NRXN1: variants seen among roughly 807,000 people sequenced by gnomAD.
NRXN1 encodes the protein neurexin-1.
Under a neutral mutation model 150.9 loss-of-function variants are expected in NRXN1, and 39 were observed. That is an observed-to-expected ratio of 0.26 (90% confidence interval 0.20 to 0.34). The LOEUF is 0.34. Ranked by LOEUF, NRXN1 falls within the 10% of genes least tolerant of loss-of-function variation. The pLI is 1.00. For synonymous variants in NRXN1, 924 were observed against 757.0 expected (o/e 1.22, Z -3.62); for missense variants, 1,815 against 1,949.9 (o/e 0.93, Z 1.30).
At chr2:50,252,731 G>A (rs1266876870) in intron 17 of NRXN1, among the ~76,000 whole-genome samples, 2 of 152,046 alleles carry the variant, frequency 1.3e-5, no homozygotes, top group Non-Finnish European at 2.9e-5. Context: ...GGTGGTTGTA[G>A]ATGTGCAGTC....
chr2:50,637,596 T>C (rs1393305739), intron 5 of NRXN1: 2 of 152,244 alleles, frequency 1.3e-5, no homozygotes, highest in African/African-American at 4.8e-5. Context: ...ACTCTTGAAC[T>C]CACAGTTCCT....
chr2:51,026,383 G>A lies in NRXN1; in HGVS notation c.772+1119C>T, dbSNP rs200923167. The A allele has an allele frequency of 6.3e-6, 10 of 1,590,894 alleles. No individual in the cohort carries two copies. Among genetic ancestry groups the A allele is most frequent in the Non-Finnish European group, 7.7e-6 (9 of 1,165,906 alleles). ...ACCACTCACTCACTTTCTGTTAGAG[G>A]CTTTGCTGTATTTATACAACAGTAT... is the stretch of plus-strand genomic sequence containing the variant. On this transcript the variant is annotated intron_variant, in intron 2 of 22. Coordinates refer to ENST00000401669, the MANE Select transcript of NRXN1 (RefSeq NM_001330078.2).
rs1373566940 is a variant in NRXN1 at position 50,346,920 on chromosome 2, G to T, written c.3365-109950C>A. 1.5e-6 allele frequency: 2 copies of T among 1,295,412 alleles called. No homozygotes were observed. Among genetic ancestry groups the T allele is most frequent in the South Asian group, 2.1e-5 (1 of 48,460 alleles). 80.2% of individuals were successfully genotyped at this position (1,295,412 alleles called of 1,614,324 possible). A position where few individuals can be genotyped will look rare whatever the true frequency, so the allele number is the denominator to read the frequency against. ...CGCCGCCCCCGGGCGAGCCCAGCTC[G>T]GCGCCGCACCGGAGCATCCTCTGGT... is the stretch of plus-strand genomic sequence containing the variant. On this transcript the variant is annotated intron_variant, in intron 17 of 22. Transcript: ENST00000401669. This position sits in a 1 kb window ranked among gnomAD's most constrained non-coding sequence, Gnocchi z 5.0.
intron 8 of NRXN1, among the ~76,000 whole-genome samples, chr2:50,568,828 A>C (rs2105443747): frequency 6.6e-6 from 1 of 152,296 alleles, no homozygotes; most frequent in Non-Finnish European, 1.5e-5. Flanking sequence ...TATATCAAGA[A>C]TATATCTGCA....
intron 17 of NRXN1, among the ~76,000 whole-genome samples, chr2:50,334,192 A>ATTTTATATATATATATATATAT (rs1553457970): frequency 4.0e-4 from 47 of 118,974 alleles, no homozygotes; most frequent in African/African-American, 1.2e-3. Flanking sequence ...ACCAGGACCA[A>ATTTTATATATATATATATATAT]ATATATATAT....
chr2:50,587,567 G>C (rs1021897026), intron 8 of NRXN1, among the ~76,000 whole-genome samples: 3 of 152,106 alleles, frequency 2.0e-5, no homozygotes. Flanking sequence ...TGATATGCTA[G>C]GTGAAGTTAA....
In NRXN1 at chr2:50,908,185, A is replaced by G. The variant is rs181366733; in HGVS notation, c.832+13684T>C. Among the ~76,000 whole-genome samples, 31 of 152,180 alleles carry G rather than the reference A, an allele frequency of 2.0e-4. No homozygotes were observed. In the East Asian group the frequency reaches 6.0e-3, roughly 30 times the overall value. ...CTTTTAATGATTGAAGGTAGAATTG[A>G]ATAGTAATGTTTCATGTTTTAAAGT... On this transcript the variant is annotated intron_variant, in intron 5 of 22. Coordinates refer to ENST00000401669, the MANE Select transcript of NRXN1 (RefSeq NM_001330078.2).
intron 2 of NRXN1, among the ~76,000 whole-genome samples, chr2:51,014,781 T>C (rs1265620250): frequency 2.0e-5 from 3 of 151,988 alleles, no homozygotes; most frequent in Non-Finnish European, 2.9e-5. Flanking sequence ...GAGAAAAAAG[T>C]CACCTACTTT....
At chr2:50,082,097 C>T (rs1309937829) in intron 19 of NRXN1, among the ~76,000 whole-genome samples, 1 of 152,126 alleles carries the variant, frequency 6.6e-6, no homozygotes, top group Non-Finnish European at 1.5e-5. Context: ...ATTCCTATAA[C>T]TTGTTTCCAC....
intron 8 of NRXN1, among the ~76,000 whole-genome samples, chr2:50,569,721 C>T (rs1670380148): frequency 6.6e-6 from 1 of 152,064 alleles, no homozygotes; most frequent in Non-Finnish European, 1.5e-5. Context: ...GATACTAATT[C>T]TGCAGCTCAC....
intron 8 of NRXN1, among the ~76,000 whole-genome samples, chr2:50,570,661 G>A (rs1052793089): frequency 2.6e-5 from 4 of 152,078 alleles, no homozygotes; most frequent in African/African-American, 9.7e-5. Context: ...AGATATGAAT[G>A]TGTATAAATT....
chr2:50,962,171 A>C (rs940606700), intron 2 of NRXN1, among the ~76,000 whole-genome samples: 3 of 151,858 alleles, frequency 2.0e-5, no homozygotes, highest in Admixed American at 6.6e-5. Context: ...CATAAATAAC[A>C]AACGGCATGC....
chr2:50,397,287 T>C (rs908468585), intron 17 of NRXN1, among the ~76,000 whole-genome samples: 2 of 152,064 alleles, frequency 1.3e-5, no homozygotes, highest in African/African-American at 2.4e-5. Flanking sequence ...ACCCAGTCTG[T>C]CTTGTGTGCT....
chr2:50,198,418 C>T (rs2152830611), intron 18 of NRXN1, among the ~76,000 whole-genome samples: 1 of 152,206 alleles, frequency 6.6e-6, no homozygotes, highest in South Asian at 2.1e-4. Flanking sequence ...AGCACCATCC[C>T]TATTACATCA....
intron 15 of NRXN1, among the ~76,000 whole-genome samples, chr2:50,479,064 T>C (rs2090229342): frequency 6.6e-6 from 1 of 152,218 alleles, no homozygotes; most frequent in Admixed American, 6.5e-5. Context: ...CCTTTCTGTA[T>C]CATCTAAATT....
chr2:50,346,094 C>G lies in NRXN1; in HGVS notation c.3365-109124G>C, dbSNP rs2077941117. Among the ~76,000 whole-genome samples the G allele has an allele frequency of 6.6e-6, 1 of 152,192 alleles. No homozygotes were observed. The highest frequency in any genetic ancestry group is 1.5e-5 in the Non-Finnish European group (1 of 68,028). ...CATTAAAGGGGATGACTCGGTTGCC[C>G]TCCTAGCTTTTCTAATTAAGGGAAG... On this transcript the variant is annotated intron_variant, in intron 17 of 22. Coordinates refer to ENST00000401669, the MANE Select transcript of NRXN1 (RefSeq NM_001330078.2). The surrounding 1 kb of genome is among the most constrained non-coding windows in gnomAD (Gnocchi z 5.0).
intron 2 of NRXN1, among the ~76,000 whole-genome samples, chr2:50,977,342 T>C (rs1696017825): frequency 6.6e-6 from 1 of 151,960 alleles, no homozygotes; most frequent in African/African-American, 2.4e-5. Flanking sequence ...CATTTTAATA[T>C]GAGCATATTT....
intron 18 of NRXN1, among the ~76,000 whole-genome samples, chr2:50,118,262 C>T (rs1389396685): frequency 6.6e-6 from 1 of 152,050 alleles, no homozygotes; most frequent in African/African-American, 2.4e-5. Context: ...CTGGAGTGGG[C>T]CTAAGAGTCT....
chr2:49,978,840 C>T (rs1046164398), intron 21 of NRXN1, among the ~76,000 whole-genome samples: 2 of 151,950 alleles, frequency 1.3e-5, no homozygotes, highest in African/African-American at 4.8e-5. Flanking sequence ...AATAGTCCAA[C>T]TCCTTCGTTT....
Sources: gnomAD v4.1 joint callset for allele counts (sites outside exome capture counted in the v4.1 genomes callset) on GRCh38, gnomAD v4.1.1 for gene constraint, Gnocchi (gnomAD v3.1) non-coding constraint, MANE v1.5 for transcripts, NCBI Gene and HGNC (gene_info 2026-07-23, HGNC 2026-07-21) for gene names.